Variants in IMMP2L observed in about 807,000 individuals in gnomAD.
The protein encoded by IMMP2L is mitochondrial inner membrane protease subunit 2.
IMMP2L carries 18 observed loss-of-function variants against 19.3 expected under a neutral mutation model. That is an observed-to-expected ratio of 0.93 (90% confidence interval 0.64 to 1.38). IMMP2L has a LOEUF of 1.38. Among genes scored for constraint, IMMP2L ranks in the 40% most tolerant of loss-of-function variants. The pLI, the probability that IMMP2L is intolerant of heterozygous loss-of-function variation, is 0.00. For missense variants in IMMP2L, 233 were observed against 218.2 expected (o/e 1.07, Z -0.43); for synonymous variants, 76 against 73.0 (o/e 1.04, Z -0.21).
intron 5 of IMMP2L, among the ~76,000 whole-genome samples, chr7:110,675,101 T>A (rs933473145): frequency 1.3e-5 from 2 of 152,186 alleles, no homozygotes; most frequent in Admixed American, 6.5e-5. Context: ...GTAGCACAAC[T>A]CTTATTTTCT....
Position 111,445,904 on chromosome 7 carries a change from G to A in IMMP2L, c.239+41334C>T, listed in dbSNP as rs185048562. Among the ~76,000 whole-genome samples the A allele has an allele frequency of 2.9e-3, 444 of 152,338 alleles. 3 individuals are homozygous for A. Among genetic ancestry groups the A allele is most frequent in the African/African-American group, 1.0e-2 (415 of 41,582 alleles). On this transcript the variant is annotated intron_variant, in intron 3 of 5. Coordinates refer to ENST00000405709, the MANE Select transcript of IMMP2L (RefSeq NM_032549.4). Reference sequence around the variant, plus strand: ...GCATTGCCTCACCTGGGAAGCGCAAGGGGTCAGGGAGTTCCCTTTCCTAGT... The same window carrying A: ...GCATTGCCTCACCTGGGAAGCGCAAAGGGTCAGGGAGTTCCCTTTCCTAGT...
At chr7:110,864,094 AATTGT>A (rs1397284518) in intron 5 of IMMP2L, among the ~76,000 whole-genome samples, 2 of 152,154 alleles carry the variant, frequency 1.3e-5, no homozygotes, top group Admixed American at 6.6e-5. Context: ...TAATATAGCT[AATTGT>A]ATTAGTGCAA....
intron 4 of IMMP2L, 79 bp from the exon 5 acceptor site, chr7:110,886,774 G>A: frequency 1.4e-6 from 1 of 690,088 alleles, no homozygotes; most frequent in Non-Finnish European, 2.6e-6. Context: ...TAGGAATGGT[G>A]AAAATATTAT....
chr7:111,307,741 T>C (rs1318585013), intron 3 of IMMP2L, among the ~76,000 whole-genome samples: 1 of 151,852 alleles, frequency 6.6e-6, no homozygotes, highest in Admixed American at 6.6e-5. Context: ...TTGGAACTAT[T>C]TCCTATTTGT....
chr7:111,398,353 A>G (rs1235938717), intron 3 of IMMP2L, among the ~76,000 whole-genome samples: 1 of 152,182 alleles, frequency 6.6e-6, no homozygotes, highest in African/African-American at 2.4e-5. Context: ...GATACACCAT[A>G]TAAACAGAAT....
At chr7:111,216,519 T>A (rs1442421009) in intron 3 of IMMP2L, among the ~76,000 whole-genome samples, 1 of 152,128 alleles carries the variant, frequency 6.6e-6, no homozygotes, top group Non-Finnish European at 1.5e-5. Flanking sequence ...ACCTCAAATA[T>A]TTCCATTGTT....
At chr7:111,124,047 T>C in intron 3 of IMMP2L, 1 of 1,614,030 alleles carries the variant, frequency 6.2e-7, no homozygotes. Flanking sequence ...TTATAGCTCC[T>C]GAGAGCTTTC....
At chr7:110,962,038 C>T (rs902317361) in intron 4 of IMMP2L, among the ~76,000 whole-genome samples, 3 of 151,886 alleles carry the variant, frequency 2.0e-5, no homozygotes, top group African/African-American at 4.8e-5. Context: ...ACTCATTGAA[C>T]TGTATATTTT....
intron 3 of IMMP2L, among the ~76,000 whole-genome samples, chr7:111,003,205 C>T (rs1169429995): frequency 6.6e-6 from 1 of 152,068 alleles, no homozygotes. Context: ...TAATAATTTG[C>T]TTGCCCTGAC....
intron 2 of IMMP2L, among the ~76,000 whole-genome samples, chr7:111,501,213 A>C (rs1354317349): frequency 6.6e-6 from 1 of 152,196 alleles, no homozygotes; most frequent in Non-Finnish European, 1.5e-5. Context: ...AACTGGAAGA[A>C]AGGGTATCAG....
intron 3 of IMMP2L, among the ~76,000 whole-genome samples, chr7:110,994,728 T>C (rs1479712618): frequency 6.6e-6 from 1 of 152,156 alleles, no homozygotes; most frequent in Non-Finnish European, 1.5e-5. Flanking sequence ...TTGGCTTGTG[T>C]TAAAGTAACC....
At chr7:111,450,798 A>G (rs1405216678) in intron 3 of IMMP2L, among the ~76,000 whole-genome samples, 5,020 of 149,154 alleles carry the variant, frequency 0.034, 130 homozygotes, top group Non-Finnish European at 0.048. Context: ...GAAAATTTTC[A>G]CAACCTACTC....
At position 111,004,194 on chromosome 7, in the gene IMMP2L, G is replaced by A. The variant is rs191747705; in HGVS notation, c.240-40629C>T. On this transcript the variant is annotated intron_variant, in intron 3 of 5. Coordinates refer to ENST00000405709, the MANE Select transcript of IMMP2L (RefSeq NM_032549.4). ...GAGAAAATAATATCCTAACTTCATA[G>A]GGTTGCCATGAGAATTATTTAATTC... 2.7e-3 allele frequency among the ~76,000 whole-genome samples: 416 copies of A among 152,108 alleles called. 2 individuals carry two copies. The highest frequency in any genetic ancestry group is 5.3e-3 in the Non-Finnish European group (357 of 67,972).
intron 3 of IMMP2L, among the ~76,000 whole-genome samples, chr7:111,275,686 T>C (rs778622371): frequency 6.6e-6 from 1 of 152,220 alleles, no homozygotes; most frequent in Non-Finnish European, 1.5e-5. Flanking sequence ...GAGAATGGAA[T>C]GTTTTTCCGT....
At chr7:111,066,147 T>G (rs1157584871) in intron 3 of IMMP2L, among the ~76,000 whole-genome samples, 2 of 152,032 alleles carry the variant, frequency 1.3e-5, no homozygotes, top group South Asian at 2.1e-4. Flanking sequence ...CCTGGCAAAT[T>G]TTTGTATTTT....
At chr7:110,851,358 C>T (rs976945799) in intron 5 of IMMP2L, among the ~76,000 whole-genome samples, 17 of 152,106 alleles carry the variant, frequency 1.1e-4, no homozygotes, top group African/African-American at 4.1e-4. Context: ...AGACGTTGTA[C>T]CATTCAAGCA....
chr7:111,217,077 ATCTCTCTCTCTCTCCCTCCGTCTCTCTC>A (rs1812001083), intron 3 of IMMP2L, among the ~76,000 whole-genome samples: 1 of 135,898 alleles, frequency 7.4e-6, no homozygotes, highest in East Asian at 2.2e-4. Context: ...TCATCTTCTG[ATCTCTCTCTCTCTCCCTCCGTCTCTCTC>A]TCTCTCTCTC....
intron 4 of IMMP2L, among the ~76,000 whole-genome samples, chr7:110,888,387 C>T (rs1052775482): frequency 1.3e-5 from 2 of 152,126 alleles, no homozygotes; most frequent in African/African-American, 4.8e-5. Flanking sequence ...GGCATACTCT[C>T]CAAATCAGTC....
chr7:111,165,230 A>G (rs886075846), intron 3 of IMMP2L, among the ~76,000 whole-genome samples: 1 of 152,036 alleles, frequency 6.6e-6, no homozygotes, highest in African/African-American at 2.4e-5. Flanking sequence ...GGGTCCATCT[A>G]TACAGTAGCA....
Sources: allele counts gnomAD v4.1 joint callset (sites outside exome capture counted in the v4.1 genomes callset), GRCh38; gene constraint gnomAD v4.1.1; transcripts MANE v1.5; gene names NCBI Gene and HGNC (gene_info 2026-07-23, HGNC 2026-07-21).